RAPGEF1: variants seen among roughly 807,000 people sequenced by gnomAD.
RAPGEF1 encodes the protein CRK SH3-binding GNRP.
A neutral mutation model predicts 143.3 loss-of-function variants in RAPGEF1; 33 were observed. The ratio of observed to expected loss-of-function variants is 0.23; its 90% CI spans 0.17 to 0.31. The LOEUF (loss-of-function observed/expected upper bound fraction) is 0.31, where lower values mean the gene tolerates loss of function less well. RAPGEF1 is among the 10% of genes least tolerant of loss of function. RAPGEF1 has a pLI of 1.00. For missense variants in RAPGEF1, 1,199 were observed against 1,645.4 expected, an observed-to-expected ratio of 0.73 and a Z score of 4.69; for synonymous variants, 629 against 676.5, an observed-to-expected ratio of 0.93 and a Z score of 1.09.
chr9:131,646,311 C>T (rs1243477279), intron 3 of RAPGEF1, among the ~76,000 whole-genome samples: 1 of 152,054 alleles, frequency 6.6e-6, no homozygotes, highest in East Asian at 1.9e-4. Flanking sequence ...GAGTTCAGAG[C>T]CTGGAGAGAT....
intron 5 of RAPGEF1, among the ~76,000 whole-genome samples, chr9:131,631,651 C>A (rs1017613598): frequency 2.0e-5 from 3 of 152,260 alleles, no homozygotes; most frequent in African/African-American, 7.2e-5. Context: ...GACCCTGAAC[C>A]AGCGGCTGCC....
At chr9:131,657,679 T>C (rs1972849869) in intron 1 of RAPGEF1, among the ~76,000 whole-genome samples, 1 of 152,090 alleles carries the variant, frequency 6.6e-6, no homozygotes, top group African/African-American at 2.4e-5. Flanking sequence ...GTGAGTTAAC[T>C]GTGTAAACAG....
intron 9 of RAPGEF1, among the ~76,000 whole-genome samples, chr9:131,627,445 G>T (rs1039896486): frequency 6.6e-6 from 1 of 152,036 alleles, no homozygotes; most frequent in Admixed American, 6.6e-5. Flanking sequence ...CACAGGATAC[G>T]AACAGCTTCC....
intron 1 of RAPGEF1, among the ~76,000 whole-genome samples, chr9:131,682,797 A>G (rs1833024974): frequency 1.3e-5 from 2 of 152,344 alleles, no homozygotes; most frequent in Non-Finnish European, 2.9e-5. Context: ...CTATTCAGGG[A>G]AACAAATTTA....
At chr9:131,582,844 C>G in intron 24 of RAPGEF1, 142 bp from the exon 25 acceptor site, 1 of 651,448 alleles carries the variant, frequency 1.5e-6, no homozygotes, top group Non-Finnish European at 2.5e-6. Flanking sequence ...GCACAAACAC[C>G]CAGCCAGGTG....
chr9:131,614,391 T>C (rs1394743031), intron 12 of RAPGEF1, among the ~76,000 whole-genome samples: 2 of 152,250 alleles, frequency 1.3e-5, no homozygotes, highest in Non-Finnish European at 2.9e-5. Flanking sequence ...CCATTCCGTT[T>C]TCCTCCTCCT....
rs571824819 is a variant in RAPGEF1, at chr9:131,632,997, C to G, written c.652-2673G>C. ...TGCTGGGATTACAGGTGTGAGCCACCACGCTCAGCCAGGCATATCCACAGA... is the reference window on the plus strand; with the variant it reads ...TGCTGGGATTACAGGTGTGAGCCACGACGCTCAGCCAGGCATATCCACAGA... On this transcript the variant is annotated intron_variant, in intron 5 of 26. Coordinates refer to ENST00000683357, the MANE Select transcript of RAPGEF1 (RefSeq NM_001377935.1). Among the ~76,000 whole-genome samples, 142 of 152,302 alleles carry G rather than the reference C, an allele frequency of 9.3e-4. 3 individuals are homozygous for G. Among genetic ancestry groups the G allele is most frequent in the Non-Finnish European group, 2.5e-4 (17 of 68,028 alleles).
chr9:131,738,545 G>A (rs1395209018), intron 1 of RAPGEF1, among the ~76,000 whole-genome samples: 1 of 152,196 alleles, frequency 6.6e-6, no homozygotes, highest in East Asian at 1.9e-4. Flanking sequence ...TGGTCAGAGG[G>A]CCAGGAATGA....
chr9:131,719,867 TTTC>T (rs1836139261), intron 1 of RAPGEF1, among the ~76,000 whole-genome samples: 1 of 150,266 alleles, frequency 6.7e-6, no homozygotes, highest in South Asian at 2.1e-4. Context: ...ACAGCTATAT[TTTC>T]TTCTTTTCTT....
At chr9:131,631,257 C>T (rs1964768108) in intron 5 of RAPGEF1, among the ~76,000 whole-genome samples, 1 of 152,192 alleles carries the variant, frequency 6.6e-6, no homozygotes. Flanking sequence ...GGTTTTTAGT[C>T]TGTTCACAGA....
chr9:131,679,495 A>G (rs184826096), intron 1 of RAPGEF1, among the ~76,000 whole-genome samples: 16 of 152,396 alleles, frequency 1.0e-4, no homozygotes, highest in South Asian at 2.1e-4. Flanking sequence ...GACTTGGCTC[A>G]GATTTTTATA....
chr9:131,728,942 G>A (rs1018796763), intron 1 of RAPGEF1, among the ~76,000 whole-genome samples: 1 of 152,144 alleles, frequency 6.6e-6, no homozygotes, highest in African/African-American at 2.4e-5. Context: ...TACAGATAAG[G>A]AAAAACTGAG....
chr9:131,683,689 GA>G (rs1234867408), intron 1 of RAPGEF1, among the ~76,000 whole-genome samples: 1 of 152,148 alleles, frequency 6.6e-6, no homozygotes, highest in Non-Finnish European at 1.5e-5. Flanking sequence ...CTTTATTCTG[GA>G]TCAAAAAGTA....
intron 1 of RAPGEF1, among the ~76,000 whole-genome samples, chr9:131,689,755 C>G (rs1216675670): frequency 1.3e-5 from 2 of 152,180 alleles, no homozygotes; most frequent in Non-Finnish European, 2.9e-5. Flanking sequence ...CCAGGCTGGT[C>G]TCCAACTCCT....
At chr9:131,723,142 C>T (rs753349928) in intron 1 of RAPGEF1, among the ~76,000 whole-genome samples, 5 of 151,898 alleles carry the variant, frequency 3.3e-5, no homozygotes, top group Admixed American at 6.6e-5. Context: ...TGCAGTGAGC[C>T]GAGATCACAC....
intron 12 of RAPGEF1, among the ~76,000 whole-genome samples, chr9:131,608,687 G>T (rs1564514828): frequency 6.6e-6 from 1 of 152,184 alleles, no homozygotes; most frequent in East Asian, 1.9e-4. Context: ...AACTGGAAAG[G>T]TACCTTCACG....
Position 131,584,898 on chromosome 9 carries a change from C to A in RAPGEF1, c.3234-302G>T, listed in dbSNP as rs1335143914. The stretch of plus-strand genomic sequence containing the variant: ...GGAGCATGGGAGGATGAAAGCAGAG[C>A]CTTTCCTGACAAGCATGGGCCCCAA... On this transcript the variant is annotated intron_variant, in intron 22 of 26. Coordinates refer to ENST00000683357, the MANE Select transcript of RAPGEF1 (RefSeq NM_001377935.1). This position sits in a 1 kb window ranked among gnomAD's most constrained non-coding sequence, Gnocchi z 6.8. 6.6e-6 allele frequency among the ~76,000 whole-genome samples: 1 copy of A among 152,204 alleles called. No homozygotes were observed. Among genetic ancestry groups the A allele is most frequent in the African/African-American group, 2.4e-5 (1 of 41,456 alleles).
intron 1 of RAPGEF1, among the ~76,000 whole-genome samples, chr9:131,732,401 C>A (rs1336621231): frequency 6.6e-6 from 1 of 152,156 alleles, no homozygotes; most frequent in Non-Finnish European, 1.5e-5. Context: ...AAGAACCAGG[C>A]AGTCACTACA....
chr9:131,712,111 A>G (rs1835550413), intron 1 of RAPGEF1, among the ~76,000 whole-genome samples: 3 of 152,304 alleles, frequency 2.0e-5, no homozygotes, highest in South Asian at 4.1e-4. Context: ...ACCGTCTCCA[A>G]TGAGGTGGCA....
Sources: gnomAD v4.1 joint callset for allele counts (sites outside exome capture counted in the v4.1 genomes callset) on GRCh38, gnomAD v4.1.1 for gene constraint, Gnocchi (gnomAD v3.1) non-coding constraint, MANE v1.5 for transcripts, NCBI Gene and HGNC (gene_info 2026-07-23, HGNC 2026-07-21) for gene names.